The following PRMT8 variants were observed in gnomAD, a reference collection of about 807,000 sequenced individuals.
The protein encoded by PRMT8 is protein arginine N-methyltransferase 8.
Under a neutral mutation model 47.1 loss-of-function variants are expected in PRMT8, and 7 were observed. The ratio of observed to expected loss-of-function variants is 0.15; its 90% CI spans 0.08 to 0.28. The LOEUF is 0.28. PRMT8 is among the 10% of genes least tolerant of loss of function. The pLI, the probability that PRMT8 is intolerant of heterozygous loss-of-function variation, is 1.00. For missense variants in PRMT8, 237 were observed against 505.4 expected, an observed-to-expected ratio of 0.47 and a Z score of 5.09; for synonymous variants, 188 against 186.5, an observed-to-expected ratio of 1.01 and a Z score of -0.07.
chr12:3,477,495 T>C (rs1303161122), intron 1 of PRMT8, among the ~76,000 whole-genome samples: 3 of 152,244 alleles, frequency 2.0e-5, no homozygotes, highest in Admixed American at 6.5e-5. Flanking sequence ...ACCTGGATTT[T>C]CTTGCATCAT....
At chr12:3,577,336 C>T (rs1866965360) in intron 7 of PRMT8, among the ~76,000 whole-genome samples, 1 of 152,214 alleles carries the variant, frequency 6.6e-6, no homozygotes, top group African/African-American at 2.4e-5. Context: ...CAGAGGTAGA[C>T]GTCTCTCTTA....
chr12:3,450,255 T>C (rs1864902730), intron 1 of PRMT8, among the ~76,000 whole-genome samples: 1 of 152,248 alleles, frequency 6.6e-6, no homozygotes. Context: ...CTTTTCTTAC[T>C]CTGTTACATT....
rs1244830240 is a variant in PRMT8, at chr12:3,550,794, GCAGCTTTGCC to G, written c.417+708_417+717del. 1 of 152,214 alleles carries G rather than the reference GCAGCTTTGCC, an allele frequency of 6.6e-6. No individual in the cohort carries two copies. The highest frequency in any genetic ancestry group is 1.5e-5 in the Non-Finnish European group (1 of 68,044). The allele number at this position is 152,214 out of a possible 1,614,324, so 9.4% of individuals were successfully genotyped here. A position where few individuals can be genotyped will look rare whatever the true frequency, so the allele number is the denominator to read the frequency against. On this transcript the variant is annotated intron_variant, in intron 3 of 9. Transcript: ENST00000382622. This position sits in a 1 kb window ranked among gnomAD's most constrained non-coding sequence, Gnocchi z 5.1. ...CTACCTATCCCCTGGCTCTCCCAAG[GCAGCTTTGCC>G]CAGCCTGATGACAGAGGGCCTGGGA...
rs1866876946 is a variant in PRMT8 at position 3,572,994 on chromosome 12, G to A, written c.712+3430G>A. Among the ~76,000 whole-genome samples the A allele has an allele frequency of 6.6e-6, 1 of 152,114 alleles. No individual in the cohort carries two copies. Among genetic ancestry groups the A allele is most frequent in the Non-Finnish European group, 1.5e-5 (1 of 68,036 alleles). On this transcript the variant is annotated intron_variant, in intron 6 of 9. Transcript: ENST00000382622. This position sits in a 1 kb window ranked among gnomAD's most constrained non-coding sequence, Gnocchi z 5.9. ...TTTCTTTTTATTTATCCTGCTTGGG[G>A]TTACATGGAATTCTTGGAACTGTGG...
chr12:3,568,229 T>C (rs1195437675), intron 4 of PRMT8, among the ~76,000 whole-genome samples: 1 of 152,054 alleles, frequency 6.6e-6, no homozygotes, highest in Non-Finnish European at 1.5e-5. Flanking sequence ...CATGAAGGTC[T>C]CTGTCCTCAT....
At chr12:3,470,462 C>A (rs189112762) in intron 1 of PRMT8, among the ~76,000 whole-genome samples, 8 of 152,290 alleles carry the variant, frequency 5.3e-5, no homozygotes, top group South Asian at 4.1e-4. Flanking sequence ...AACCTGCCAA[C>A]CTTCCCCAGG....
intron 7 of PRMT8, among the ~76,000 whole-genome samples, chr12:3,579,837 C>T (rs960263453): frequency 7.2e-5 from 11 of 152,150 alleles, no homozygotes; most frequent in Admixed American, 2.6e-4. Flanking sequence ...GGGATCGCAG[C>T]GGCCAGGGGC....
chr12:3,496,547 G>C (rs1337222024), intron 1 of PRMT8, among the ~76,000 whole-genome samples: 3 of 151,980 alleles, frequency 2.0e-5, no homozygotes, highest in Admixed American at 6.6e-5. Flanking sequence ...CTAACTAGTA[G>C]GCTATGGAGA....
At chr12:3,560,331 C>T (rs1591602730) in intron 4 of PRMT8, among the ~76,000 whole-genome samples, 1 of 152,216 alleles carries the variant, frequency 6.6e-6, no homozygotes, top group Non-Finnish European at 1.5e-5. Flanking sequence ...CAATCAGCCT[C>T]TCTCCCTCTC....
At chr12:3,578,954 A>C (rs969251834) in intron 7 of PRMT8, among the ~76,000 whole-genome samples, 4 of 152,172 alleles carry the variant, frequency 2.6e-5, no homozygotes, top group African/African-American at 9.7e-5. Context: ...CTCCATTCAC[A>C]GGGTTCTCAC....
At position 3,389,799 on chromosome 12, in the gene PRMT8, G is replaced by A. The variant is rs140707818; in HGVS notation, c.48+8357G>A. Among the ~76,000 whole-genome samples the A allele has an allele frequency of 3.3e-5, 5 of 152,338 alleles. No homozygotes were observed. In the East Asian group the frequency reaches 7.7e-4, roughly 24 times the overall value. On this transcript the variant is annotated intron_variant, in intron 1 of 9. Transcript: ENST00000452611. ...AGAACACTCCTGGAATTCCCTTTCC[G>A]TCTGCTAGTCTTCCCAGAGGAAAGA...
At chr12:3,555,456 G>A (rs557334180) in intron 4 of PRMT8, among the ~76,000 whole-genome samples, 1 of 152,320 alleles carries the variant, frequency 6.6e-6, no homozygotes, top group African/African-American at 2.4e-5. Context: ...GAAACACAAA[G>A]AAGATCATGC....
At chr12:3,412,765 C>T (rs920583531) in intron 1 of PRMT8, among the ~76,000 whole-genome samples, 11 of 152,114 alleles carry the variant, frequency 7.2e-5, no homozygotes, top group Non-Finnish European at 1.5e-4. Flanking sequence ...ATTATGGATG[C>T]GTTCCCTTAT....
intron 1 of PRMT8, among the ~76,000 whole-genome samples, chr12:3,478,319 T>TAC (rs1565417757): frequency 1.1e-4 from 13 of 114,402 alleles, no homozygotes; most frequent in African/African-American, 4.1e-4. Flanking sequence ...TACCTACCTA[T>TAC]CTATCTGTCT....
intron 4 of PRMT8, among the ~76,000 whole-genome samples, chr12:3,565,371 G>C (rs1045540532): frequency 6.6e-6 from 1 of 152,132 alleles, no homozygotes; most frequent in Non-Finnish European, 1.5e-5. Context: ...CCAGCATAAA[G>C]TTGTGCAGGT....
In PRMT8 at chr12:3,401,716, C is replaced by G. The variant is rs577149414; in HGVS notation, c.48+20274C>G. On this transcript the variant is annotated intron_variant, in intron 1 of 9. Transcript: ENST00000452611. Reference sequence around the variant, plus strand: ...CAGAGAGCCAAATCATGAATGAACTCCCATTCACAATTGCTACAAAAAGAA... The same window carrying G: ...CAGAGAGCCAAATCATGAATGAACTGCCATTCACAATTGCTACAAAAAGAA... Among the ~76,000 whole-genome samples, 15 of 152,186 alleles carry G rather than the reference C, an allele frequency of 9.9e-5. No homozygotes were observed. In the South Asian group the frequency reaches 2.9e-3, roughly 29 times the overall value.
chr12:3,581,101 G>A (rs1210291498), intron 7 of PRMT8, among the ~76,000 whole-genome samples: 1 of 152,212 alleles, frequency 6.6e-6, no homozygotes, highest in Non-Finnish European at 1.5e-5. Context: ...TGTGCTCCTT[G>A]GGAACACAGG....
intron 1 of PRMT8, among the ~76,000 whole-genome samples, chr12:3,513,957 G>C (rs963254767): frequency 1.3e-5 from 2 of 152,156 alleles, no homozygotes; most frequent in Non-Finnish European, 2.9e-5. Flanking sequence ...TTCCTCCTAG[G>C]AGCCTATGGT....
intron 1 of PRMT8, among the ~76,000 whole-genome samples, chr12:3,461,198 G>T (rs1266308750): frequency 6.6e-6 from 1 of 152,220 alleles, no homozygotes; most frequent in Admixed American, 6.5e-5. Flanking sequence ...CAGGTTCAGA[G>T]ATGCACAACC....
Sources: gnomAD v4.1 joint callset for allele counts (sites outside exome capture counted in the v4.1 genomes callset) on GRCh38, gnomAD v4.1.1 for gene constraint, Gnocchi (gnomAD v3.1) non-coding constraint, MANE v1.5 for transcripts, NCBI Gene and HGNC (gene_info 2026-07-23, HGNC 2026-07-21) for gene names.